The following RYR3 variants were observed in gnomAD, a reference collection of about 807,000 sequenced individuals.
The protein encoded by RYR3 is ryanodine receptor 3.
Under a neutral mutation model 584.3 loss-of-function variants are expected in RYR3, and 207 were observed. That is an observed-to-expected ratio of 0.35 (90% CI 0.32 to 0.40). RYR3 has a LOEUF of 0.40. Among genes scored for constraint, RYR3 ranks in the 10% least tolerant of loss-of-function variants. The pLI is 1.00. For missense variants in RYR3, 5,616 were observed against 6,089.2 expected (o/e 0.92, Z 2.59); for synonymous variants, 2,416 against 2,248.5 (o/e 1.07, Z -2.11).
At chr15:33,798,077 G>A (rs1652551656) in intron 67 of RYR3, among the ~76,000 whole-genome samples, 1 of 106,872 alleles carries the variant, frequency 9.4e-6, no homozygotes, top group African/African-American at 4.0e-5. Flanking sequence ...GCCTTTGTCT[G>A]TCTGTCTTTT....
At chr15:33,817,104 G>A (rs946847472) in intron 75 of RYR3, 146 bp downstream of exon 75, 2 of 534,752 alleles carry the variant, frequency 3.7e-6, no homozygotes, top group Non-Finnish European at 6.8e-6. Flanking sequence ...CTCAGGGGAG[G>A]CCCTGCTAAT....
Position 33,738,492 on chromosome 15 carries a change from C to A in RYR3, c.7558C>A (p.Leu2520Met). 1 of 1,613,976 alleles carries A rather than the reference C, an allele frequency of 6.2e-7. No individual in the cohort carries two copies. The highest frequency in any genetic ancestry group is 8.5e-7 in the Non-Finnish European group (1 of 1,179,882). ...TGAACAGTGTTGGAAGTATTACTGC[C>A]TGCCTTCAGGATGGGGGAGCTACGG... ...HYEQCWKYYC[L>M]PSGWGSYGLA... Residue 2520 changes from leucine (L) to methionine (M), a missense_variant, in exon 50 of 104, where the codon CTG becomes ATG. Around this residue, in one of 9 missense-constraint regions of RYR3, gnomAD observed 1,280 missense variants for 1,426.2 expected, o/e 0.90. Transcript: ENST00000634891.
Position 33,773,081 on chromosome 15 carries a change from C to G in RYR3, c.9056-453C>G, listed in dbSNP as rs1171830400. On this transcript the variant is annotated intron_variant, in intron 63 of 103. Coordinates refer to ENST00000634891, the MANE Select transcript of RYR3 (RefSeq NM_001036.6). ...AGATGTGAGGGATTTTGCTCTATCT[C>G]TAAGGGAAGTCTAGCAGTTGGACGT... is the stretch of plus-strand genomic sequence containing the variant. Among the ~76,000 whole-genome samples the G allele has an allele frequency of 5.9e-5, 9 of 152,178 alleles. No individual in the cohort carries two copies. In the South Asian group the frequency reaches 6.2e-4, roughly 10 times the overall value.
chr15:33,862,676 T>A (rs779048839), intron 102 of RYR3, among the ~76,000 whole-genome samples: 1 of 152,058 alleles, frequency 6.6e-6, no homozygotes. Context: ...AGTGGCGCCA[T>A]CTTGGCTCAC....
At chr15:33,684,674 G>A (rs988368057) in intron 38 of RYR3, among the ~76,000 whole-genome samples, 1 of 152,058 alleles carries the variant, frequency 6.6e-6, no homozygotes, top group Non-Finnish European at 1.5e-5. Context: ...TTGAAATGAA[G>A]GAAAAAATAT....
At chr15:33,677,147 A>T (rs2064236642) in intron 38 of RYR3, among the ~76,000 whole-genome samples, 1 of 152,074 alleles carries the variant, frequency 6.6e-6, no homozygotes, top group Non-Finnish European at 1.5e-5. Flanking sequence ...AAAGGCCAAG[A>T]TCTGAATTGC....
intron 32 of RYR3, among the ~76,000 whole-genome samples, chr15:33,655,720 C>G (rs1353860616): frequency 6.6e-6 from 1 of 152,210 alleles, no homozygotes; most frequent in African/African-American, 2.4e-5. Flanking sequence ...AGGACTCTGT[C>G]CAGAAACCTG....
intron 1 of RYR3, among the ~76,000 whole-genome samples, chr15:33,347,947 ATTT>A (rs139105934): frequency 6.8e-6 from 1 of 146,346 alleles, no homozygotes; most frequent in Non-Finnish European, 1.5e-5. Flanking sequence ...TGCTACTGGC[ATTT>A]TTTTTTTTTG....
chr15:33,840,905 C>T (rs1379073674), intron 90 of RYR3, 22 bp downstream of exon 90: 6 of 1,608,964 alleles, frequency 3.7e-6, no homozygotes, highest in Admixed American at 1.7e-5. Context: ...GTAGCATCAA[C>T]TACTCTCATT....
intron 38 of RYR3, among the ~76,000 whole-genome samples, chr15:33,675,361 A>G (rs1307930006): frequency 2.6e-5 from 4 of 152,244 alleles, no homozygotes; most frequent in Non-Finnish European, 5.9e-5. Flanking sequence ...CCAAAATCAC[A>G]CAGAGGTGGC....
chr15:33,404,617 GA>G (rs2042904480), intron 1 of RYR3, among the ~76,000 whole-genome samples: 1 of 141,112 alleles, frequency 7.1e-6, no homozygotes, highest in African/African-American at 2.6e-5. Flanking sequence ...TGTAACTGTT[GA>G]AAACACTAGG....
chr15:33,613,263 G>A lies in RYR3; in HGVS notation c.2245G>A (p.Gly749Arg), dbSNP rs762495196. ...DDVVSCCLDL[G>R]VPSISFRING... is the part of the protein sequence containing the mutation. The stretch of plus-strand genomic sequence containing the variant: ...CGTGGTAAGCTGCTGCCTGGACCTC[G>A]GGGTGCCCAGCATCTCATTCCGCAT... Residue 749 changes from glycine (G) to arginine (R), a missense_variant, in exon 19 of 104, where the codon GGG (glycine) becomes AGG (arginine). Transcript: ENST00000634891. 1.1e-5 allele frequency: 18 copies of A among 1,613,910 alleles called. No individual in the cohort carries two copies. Among genetic ancestry groups the A allele is most frequent in the South Asian group, 7.7e-5 (7 of 91,068 alleles).
intron 2 of RYR3, among the ~76,000 whole-genome samples, chr15:33,503,241 G>A (rs1186392825): frequency 6.6e-6 from 1 of 152,156 alleles, no homozygotes; most frequent in Non-Finnish European, 1.5e-5. Context: ...ATTATGGTCT[G>A]TCCACTGCCC....
chr15:33,741,332 G>A (rs760792462), intron 51 of RYR3, among the ~76,000 whole-genome samples: 19 of 152,188 alleles, frequency 1.2e-4, no homozygotes, highest in Non-Finnish European at 2.2e-4. Context: ...GGAGGAAATC[G>A]ACAATCTTCA....
intron 38 of RYR3, among the ~76,000 whole-genome samples, chr15:33,685,372 G>A (rs1238463942): frequency 6.6e-6 from 1 of 152,118 alleles, no homozygotes; most frequent in African/African-American, 2.4e-5. Flanking sequence ...ATGGTAAAGG[G>A]ATCAATTCAA....
rs745667146 is a variant in RYR3, at chr15:33,633,003, G to A, written c.2922G>A (p.Lys974=). 4.3e-6 allele frequency: 7 copies of A among 1,613,976 alleles called. No individual in the cohort carries two copies. In the Admixed American group the frequency reaches 1.0e-4, roughly 23 times the overall value. Residue 974 remains lysine, a synonymous_variant, in exon 24 of 104, where the codon AAG becomes AAA. Transcript: ENST00000634891. ...CCCCTTTGGATTTGTCTGATGTGAA[G>A]CTGTTACCTCCTCAAGAAATTTTAG... ...KPAPLDLSDV[K]LLPPQEILVD...
chr15:33,636,305 A>G, intron 26 of RYR3, 71 bp from the exon 27 acceptor site: 2 of 1,311,760 alleles, frequency 1.5e-6, no homozygotes, highest in South Asian at 2.4e-5. Flanking sequence ...TATCGAAGAT[A>G]TGGTCATTTC....
At position 33,429,792 on chromosome 15, in the gene RYR3, G is replaced by A. The variant is rs188776825; in HGVS notation, c.52-43627G>A. 1.3e-4 allele frequency among the ~76,000 whole-genome samples: 20 copies of A among 152,350 alleles called. No individual in the cohort carries two copies. The East Asian group carries it at 3.7e-3, about 28-fold the overall frequency. On this transcript the variant is annotated intron_variant, in intron 1 of 103. Transcript: ENST00000634891. ...TTAGGAAGCTCATCTAAGTGACTGG[G>A]TAGCACTGACAGTTGGTTTCTGGAA...
intron 30 of RYR3, among the ~76,000 whole-genome samples, chr15:33,648,862 C>A (rs2062266828): frequency 1.3e-5 from 2 of 152,134 alleles, no homozygotes; most frequent in African/African-American, 4.8e-5. Flanking sequence ...GATGCTACAG[C>A]AAAATAGAAA....
Sources: allele counts gnomAD v4.1 joint callset (sites outside exome capture counted in the v4.1 genomes callset), GRCh38; gene constraint gnomAD v4.1.1; regional missense constraint gnomAD v4.1.1; transcripts MANE v1.5; gene names NCBI Gene and HGNC (gene_info 2026-07-23, HGNC 2026-07-21).